Variants in SARDH observed in about 807,000 individuals in gnomAD.
The protein encoded by SARDH is sarcosine dehydrogenase.
SARDH carries 95 observed loss-of-function variants against 109.1 expected under a neutral mutation model. The ratio of observed to expected loss-of-function variants is 0.87; its 90% CI spans 0.74 to 1.03. SARDH has a LOEUF of 1.03. Ranked by LOEUF, SARDH falls within the 50% of genes least tolerant of loss-of-function variation. The probability of loss-of-function intolerance (pLI) is 0.00; values close to 1 mark genes in which losing one functional copy is unlikely to be tolerated. For synonymous variants in SARDH, 572 were observed against 534.8 expected (o/e 1.07, Z -0.96); for missense variants, 1,267 against 1,287.8 (o/e 0.98, Z 0.25).
At chr9:133,717,606 G>T in intron 7 of SARDH, 151 bp from the exon 8 acceptor site, 1 of 1,194,186 alleles carries the variant, frequency 8.4e-7, no homozygotes, top group Non-Finnish European at 1.2e-6. Context: ...CCAGCCGTTT[G>T]TCTCCCCCAC....
At position 133,728,751 on chromosome 9, in the gene SARDH, A is replaced by T. The variant is rs752493170; in HGVS notation, c.915+1014T>A. 3.4e-4 allele frequency among the ~76,000 whole-genome samples: 51 copies of T among 152,190 alleles called. No homozygotes were observed. The highest frequency in any genetic ancestry group is 3.4e-3 in the Middle Eastern group (1 of 294). ...GCCTGAAACACCAAGCTCACCCATC[A>T]ATGTCTGATGCAGAGAGGGTTCAAT... On this transcript the variant is annotated intron_variant, in intron 6 of 20. Coordinates refer to ENST00000439388, the MANE Select transcript of SARDH (RefSeq NM_001134707.2). The surrounding 1 kb of genome is among the most constrained non-coding windows in gnomAD (Gnocchi z 5.0).
At chr9:133,662,042 GC>G (rs1422847518), downstream of SARDH, among the ~76,000 whole-genome samples, 1 of 152,140 alleles carries the variant, frequency 6.6e-6, no homozygotes, top group Non-Finnish European at 1.5e-5. The surrounding 1 kb of genome is among the most constrained non-coding windows in gnomAD (Gnocchi z 5.1). Flanking sequence ...CAGGTGATGA[GC>G]TTGGGAGGTG....
At position 133,666,611 on chromosome 9, in the gene SARDH, T is replaced by C; in HGVS notation, c.2631+124A>G. 2.6e-6 allele frequency: 3 copies of C among 1,169,986 alleles called. No homozygotes were observed. The highest frequency in any genetic ancestry group is 3.5e-6 in the Non-Finnish European group (3 of 867,900). The allele number at this position is 1,169,986 out of a possible 1,614,324, so 72.5% of individuals were successfully genotyped here. A position where few individuals can be genotyped will look rare whatever the true frequency, so the allele number is the denominator to read the frequency against. On this transcript the variant is annotated intron_variant, in intron 20 of 20. Coordinates refer to ENST00000439388, the MANE Select transcript of SARDH (RefSeq NM_001134707.2). The surrounding 1 kb of genome is among the most constrained non-coding windows in gnomAD (Gnocchi z 5.2). ...CTCCCTCCTTTCTCTTCCCTCCTCC[T>C]CTTCTGGACCACACCCGTGCCTCCT...
At chr9:133,680,955 G>A (rs752860426) in intron 17 of SARDH, among the ~76,000 whole-genome samples, 9 of 152,200 alleles carry the variant, frequency 5.9e-5, no homozygotes, top group South Asian at 2.1e-4. Flanking sequence ...TGGACCCCAC[G>A]GACTCCAAGA....
intron 10 of SARDH, 90 bp from the exon 11 acceptor site, chr9:133,708,518 TCC>T: frequency 6.8e-7 from 1 of 1,471,302 alleles, no homozygotes; most frequent in South Asian, 1.3e-5. Flanking sequence ...TGGACCCCGG[TCC>T]CCTGCACCAG....
At chr9:133,664,072 C>T in intron 20 of SARDH, 58 bp from the exon 21 acceptor site, 4 of 1,579,972 alleles carry the variant, frequency 2.5e-6, no homozygotes, top group African/African-American at 1.3e-5. Context: ...GGGCTCACGT[C>T]TGCCTGCTTC....
At chr9:133,738,861 G>A (rs564859992), upstream of SARDH, among the ~76,000 whole-genome samples, 2 of 152,196 alleles carry the variant, frequency 1.3e-5, no homozygotes, top group Non-Finnish European at 2.9e-5. Flanking sequence ...CAGGGACAGG[G>A]TCTCCTGGTC....
intron 1 of SARDH, among the ~76,000 whole-genome samples, chr9:133,736,268 T>C (rs58418193): frequency 0.025 from 3,745 of 152,342 alleles, 155 homozygotes; most frequent in African/African-American, 0.085. Flanking sequence ...GAATCCTCTC[T>C]CTCCCAGGGT....
At chr9:133,715,387 G>C (rs765680612) in intron 8 of SARDH, among the ~76,000 whole-genome samples, 1 of 152,150 alleles carries the variant, frequency 6.6e-6, no homozygotes, top group East Asian at 1.9e-4. Flanking sequence ...GGATTCTTCC[G>C]GGCCTGTGTT....
At chr9:133,705,290 G>T (rs1831648784) in intron 11 of SARDH, among the ~76,000 whole-genome samples, 1 of 89,476 alleles carries the variant, frequency 1.1e-5, no homozygotes, top group African/African-American at 4.2e-5. Context: ...TGCCCCATCT[G>T]CCCTCACCCT....
chr9:133,719,344 C>T (rs985231261), intron 6 of SARDH, among the ~76,000 whole-genome samples: 1 of 152,112 alleles, frequency 6.6e-6, no homozygotes, highest in Non-Finnish European at 1.5e-5. Flanking sequence ...AACATATAAC[C>T]GACAAAGATG....
rs201761647 is a variant in SARDH, at chr9:133,704,978, C to T, written c.1524G>A (p.Pro508=). ...CTGGGCCTCGGGGATGAAACCATCC[C>T]GGTCGCTCCCAGCCATGCCGCTCCT... ...VFQERHGWER[P]GWFHPRGPAP... Residue 508 remains proline (P), a synonymous_variant, in exon 12 of 21, where the codon CCG becomes CCA. Coordinates refer to ENST00000439388, the MANE Select transcript of SARDH (RefSeq NM_001134707.2). The surrounding 1 kb of genome is among the most constrained non-coding windows in gnomAD (Gnocchi z 4.5). The T allele has an allele frequency of 3.4e-5, 54 of 1,585,444 alleles. No homozygotes were observed. Among genetic ancestry groups the T allele is most frequent in the South Asian group, 9.3e-5 (8 of 86,462 alleles).
In SARDH at chr9:133,675,580, G is replaced by T. The variant is rs376526741; in HGVS notation, c.2164-3883C>A. On this transcript the variant is annotated intron_variant, in intron 17 of 20. Transcript: ENST00000439388. ...GGAGAAACTGGAACCCTTGTGTATT[G>T]TTAGTGGAAATGGAAAATGGTGCAA... Among the ~76,000 whole-genome samples the T allele has an allele frequency of 3.0e-4, 46 of 152,258 alleles. No homozygotes were observed. In the South Asian group the frequency reaches 6.8e-3, roughly 23 times the overall value.
At chr9:133,677,703 G>C (rs129937) in intron 17 of SARDH, among the ~76,000 whole-genome samples, 2 of 152,182 alleles carry the variant, frequency 1.3e-5, no homozygotes, top group East Asian at 1.9e-4. Context: ...CTTGGCCCTG[G>C]CTGGGGGCAA....
At chr9:133,732,313 G>C in intron 3 of SARDH, 110 bp downstream of exon 3, 1 of 955,206 alleles carries the variant, frequency 1.0e-6, no homozygotes, top group Non-Finnish European at 1.5e-6. Context: ...CACCCTCACA[G>C]GGAGCCCACC....
At chr9:133,688,945 C>G (rs967961612) in intron 16 of SARDH, among the ~76,000 whole-genome samples, 40 of 152,238 alleles carry the variant, frequency 2.6e-4, no homozygotes, top group African/African-American at 9.4e-4. Flanking sequence ...CCCCTGAGCA[C>G]CACAGTGCAT....
chr9:133,670,833 A>C, intron 18 of SARDH, 81 bp from the exon 19 acceptor site: 1 of 1,443,418 alleles, frequency 6.9e-7, no homozygotes, highest in African/African-American at 1.4e-5. Context: ...TGCTGCCTAA[A>C]CCCACCCCCT....
chr9:133,737,663 G>A (rs147272281), intron 1 of SARDH, among the ~76,000 whole-genome samples: 8 of 152,284 alleles, frequency 5.3e-5, no homozygotes, highest in African/African-American at 1.4e-4. Flanking sequence ...TGCTGGCGCC[G>A]GAGGCTGCCA....
At chr9:133,696,465 G>A in intron 13 of SARDH, 104 bp from the exon 14 acceptor site, 1 of 1,427,892 alleles carries the variant, frequency 7.0e-7, no homozygotes, top group Non-Finnish European at 9.7e-7. Context: ...CCTGTACTGA[G>A]CCTCCCCTCC....
Sources: gnomAD v4.1 joint callset for allele counts (sites outside exome capture counted in the v4.1 genomes callset) on GRCh38, gnomAD v4.1.1 for gene constraint, Gnocchi (gnomAD v3.1) non-coding constraint, MANE v1.5 for transcripts, NCBI Gene and HGNC (gene_info 2026-07-23, HGNC 2026-07-21) for gene names.